The following FDX1 variants were observed in gnomAD, a reference collection of about 807,000 sequenced individuals.
FDX1 encodes adrenodoxin, mitochondrial.
A neutral mutation model predicts 14.9 loss-of-function variants in FDX1; 9 were observed. The ratio of observed to expected loss-of-function variants is 0.60; its 90% CI spans 0.36 to 1.05. FDX1 has a LOEUF of 1.05. Among genes scored for constraint, FDX1 ranks in the 50% least tolerant of loss-of-function variants. FDX1 has a pLI of 0.01. For synonymous variants in FDX1, 92 were observed against 99.4 expected, an observed-to-expected ratio of 0.93 and a Z score of 0.44; for missense variants, 204 against 237.2, an observed-to-expected ratio of 0.86 and a Z score of 0.92.
intron 2 of FDX1, among the ~76,000 whole-genome samples, chr11:110,441,187 G>A (rs185549642): frequency 2.1e-4 from 32 of 152,328 alleles, no homozygotes; most frequent in East Asian, 1.2e-3. Flanking sequence ...ACTTTTTCCT[G>A]TATAAATTAC....
At position 110,462,365 on chromosome 11, in the gene FDX1, G is replaced by C; in HGVS notation, c.452G>C (p.Gly151Ala). ...CCTTTTCCATACAGATCACGGTTGG[G>C]CTGCCAAATCTGTTTGACAAAATCT... ...AYGLTDRSRL[G>A]CQICLTKSMD... The change falls in exon 4 of 4, where the codon GGC becomes GCC. Residue 151 changes from glycine to alanine, a missense_variant. Transcript: ENST00000260270. 1 of 1,607,154 alleles carries C rather than the reference G, an allele frequency of 6.2e-7. No homozygotes were observed. The highest frequency in any genetic ancestry group is 8.5e-7 in the Non-Finnish European group (1 of 1,174,228).
intron 2 of FDX1, 76 bp downstream of exon 2, chr11:110,436,034 T>A: frequency 7.5e-7 from 1 of 1,339,318 alleles, no homozygotes; most frequent in Non-Finnish European, 1.0e-6. Flanking sequence ...GTTTTTTTTT[T>A]TGAAGAAGTT....
At chr11:110,448,817 CTG>C (rs1459413743) in intron 2 of FDX1, among the ~76,000 whole-genome samples, 2 of 152,140 alleles carry the variant, frequency 1.3e-5, no homozygotes, top group Non-Finnish European at 2.9e-5. Context: ...GAAACCAAAA[CTG>C]TTGTCAGGAA....
chr11:110,449,758 G>A (rs1946474379), intron 2 of FDX1, among the ~76,000 whole-genome samples: 1 of 152,138 alleles, frequency 6.6e-6, no homozygotes, highest in Admixed American at 6.5e-5. Context: ...CTTCCTAATA[G>A]CTGGGATTAT....
At chr11:110,432,576 C>T (rs1946338751) in intron 1 of FDX1, among the ~76,000 whole-genome samples, 1 of 152,098 alleles carries the variant, frequency 6.6e-6, no homozygotes, top group Non-Finnish European at 1.5e-5. Context: ...TCAAGCGATT[C>T]TCGTGCCTCA....
chr11:110,448,296 A>G (rs1268906816), intron 2 of FDX1, among the ~76,000 whole-genome samples: 1 of 152,176 alleles, frequency 6.6e-6, no homozygotes, highest in Non-Finnish European at 1.5e-5. Flanking sequence ...CTATTGATAT[A>G]ATGTATTTCT....
chr11:110,436,935 C>T (rs61326162), intron 2 of FDX1, among the ~76,000 whole-genome samples: 3,477 of 152,116 alleles, frequency 0.023, 124 homozygotes, highest in African/African-American at 0.075. Context: ...ATGAGGTTAC[C>T]TGAGTCACCT....
chr11:110,454,569 T>A (rs1336085582), intron 2 of FDX1, among the ~76,000 whole-genome samples: 1 of 152,218 alleles, frequency 6.6e-6, no homozygotes, highest in South Asian at 2.1e-4. Context: ...TCCATTTCTT[T>A]AACTTCTGGG....
At chr11:110,441,337 G>A (rs1591248735) in intron 2 of FDX1, among the ~76,000 whole-genome samples, 2 of 152,222 alleles carry the variant, frequency 1.3e-5, no homozygotes, top group East Asian at 3.8e-4. Context: ...CATTGGAACA[G>A]TTTGGAGGGC....
At chr11:110,445,826 T>A (rs1946446524) in intron 2 of FDX1, among the ~76,000 whole-genome samples, 1 of 152,176 alleles carries the variant, frequency 6.6e-6, no homozygotes, top group South Asian at 2.1e-4. Context: ...TCCAAGCAAG[T>A]CCTAAATAAA....
chr11:110,458,712 A>G (rs138329158), intron 3 of FDX1, among the ~76,000 whole-genome samples: 3,076 of 152,052 alleles, frequency 0.02, 100 homozygotes, highest in African/African-American at 0.066. Context: ...GGTTCAAGCA[A>G]TTATCCTGCC....
chr11:110,462,632 T>G lies in FDX1; in HGVS notation c.*164T>G. The G allele has an allele frequency of 2.5e-6, 1 of 394,880 alleles. No individual in the cohort carries two copies. The highest frequency in any genetic ancestry group is 4.5e-6 in the Non-Finnish European group (1 of 223,374). 24.5% of individuals were successfully genotyped at this position (394,880 alleles called of 1,614,324 possible). ...TACTGAATTTTGTCATTCTTGAAAG[T>G]ATGCAATTTTTATTTTGGTTATATT... On this transcript the variant is annotated 3_prime_UTR_variant, in exon 4 of 4. Transcript: ENST00000260270.
At chr11:110,447,373 G>A (rs931390180) in intron 2 of FDX1, among the ~76,000 whole-genome samples, 2 of 148,522 alleles carry the variant, frequency 1.3e-5, no homozygotes. Flanking sequence ...AGAATTCCTC[G>A]AACCAGGGAG....
In FDX1 at chr11:110,446,377, C is replaced by G. The variant is rs1206142588; in HGVS notation, c.310+10419C>G. Among the ~76,000 whole-genome samples, 3 of 152,306 alleles carry G rather than the reference C, an allele frequency of 2.0e-5. No individual in the cohort carries two copies. In the South Asian group the frequency reaches 6.2e-4, roughly 32 times the overall value. Reference sequence around the variant, plus strand: ...CATGGCTGACCGAAGTACTTAGTTTCTTTACAGTTTCTCCCTGGGTGATCT... The same window carrying G: ...CATGGCTGACCGAAGTACTTAGTTTGTTTACAGTTTCTCCCTGGGTGATCT... On this transcript the variant is annotated intron_variant, in intron 2 of 3. Transcript: ENST00000260270.
At position 110,435,961 on chromosome 11, in the gene FDX1, G is replaced by A. The variant is rs1398891237; in HGVS notation, c.310+3G>A. 4 of 1,606,996 alleles carry A rather than the reference G, an allele frequency of 2.5e-6. No homozygotes were observed. Among genetic ancestry groups the A allele is most frequent in the Non-Finnish European group, 3.4e-6 (4 of 1,177,752 alleles). On this transcript the variant is annotated splice_donor_region_variant and intron_variant, in intron 2 of 3. Coordinates refer to ENST00000260270, the MANE Select transcript of FDX1 (RefSeq NM_004109.5). ...TAATCTAGATATTGATGGCTTTGGT[G>A]AGTATGAAACATTTCTTAAAATGCA...
At chr11:110,446,407 C>T (rs114675483) in intron 2 of FDX1, among the ~76,000 whole-genome samples, 1,771 of 152,244 alleles carry the variant, frequency 0.012, 30 homozygotes, top group African/African-American at 0.04. Flanking sequence ...TGATCTCATC[C>T]GTTCTGTGAC....
At position 110,430,287 on chromosome 11, in the gene FDX1, C is replaced by A; in HGVS notation, c.167C>A (p.Ser56Ter). The change falls in exon 1 of 4, where the codon TCG becomes TAG. Residue 56 changes from serine to a stop codon, truncating the protein, a stop_gained. Coordinates refer to ENST00000260270, the MANE Select transcript of FDX1 (RefSeq NM_004109.5). LOFTEE classifies it high-confidence loss of function. ...GAGGCGAGCCGGTCGCTGAGCGTGTCGGCGCGGGCCCGGAGCAGGTAGGGC... is the reference window on the plus strand; with the variant it reads ...GAGGCGAGCCGGTCGCTGAGCGTGTAGGCGCGGGCCCGGAGCAGGTAGGGC... ...SAEASRSLSV[S>*]ARARSSSEDK... 8.3e-7 allele frequency: 1 copy of A among 1,199,294 alleles called. No homozygotes were observed. The highest frequency in any genetic ancestry group is 4.2e-5 in the South Asian group (1 of 24,060). 74.3% of individuals were successfully genotyped at this position (1,199,294 alleles called of 1,614,324 possible).
chr11:110,456,593 G>A (rs372065238), intron 2 of FDX1, among the ~76,000 whole-genome samples: 3 of 129,932 alleles, frequency 2.3e-5, no homozygotes, highest in East Asian at 5.0e-4. Context: ...TGTAACCTCC[G>A]CCTCCCGGGT....
At position 110,431,586 on chromosome 11, in the gene FDX1, CCT is replaced by C. The variant is rs569350795; in HGVS notation, c.185+1282_185+1283del. Among the ~76,000 whole-genome samples the C allele has an allele frequency of 2.6e-3, 400 of 152,254 alleles. 2 individuals are homozygous for C. Among genetic ancestry groups the C allele is most frequent in the African/African-American group, 8.0e-3 (333 of 41,540 alleles). On this transcript the variant is annotated intron_variant, in intron 1 of 3. Transcript: ENST00000260270. ...TTCCTGTTTCCTCTGCACTTCCCCC[CCT>C]GTCTTTGACCAGTGTGGGTACCTTG...
Sources: allele counts gnomAD v4.1 joint callset (sites outside exome capture counted in the v4.1 genomes callset), GRCh38; gene constraint gnomAD v4.1.1; transcripts MANE v1.5; gene names NCBI Gene and HGNC (gene_info 2026-07-23, HGNC 2026-07-21).